Variants in COL26A1 observed in about 807,000 individuals in gnomAD.
The protein encoded by COL26A1 is collagen alpha-1(XXVI) chain.
A neutral mutation model predicts 59.3 loss-of-function variants in COL26A1; 41 were observed. The observed-to-expected ratio is 0.69, with a 90% CI of 0.54 to 0.90. The LOEUF (loss-of-function observed/expected upper bound fraction) is 0.90. Ranked by LOEUF, COL26A1 falls within the 40% of genes least tolerant of loss-of-function variation. The pLI is 0.00. For synonymous variants in COL26A1, 266 were observed against 256.0 expected (o/e 1.04, Z -0.37); for missense variants, 612 against 602.3 (o/e 1.02, Z -0.17).
chr7:101,392,811 A>G (rs1791764329), intron 1 of COL26A1, among the ~76,000 whole-genome samples: 1 of 151,868 alleles, frequency 6.6e-6, no homozygotes, highest in Non-Finnish European at 1.5e-5. Context: ...TGGCCTCACC[A>G]CTGATAGCTT....
intron 1 of COL26A1, among the ~76,000 whole-genome samples, chr7:101,398,747 G>A (rs144452807): frequency 8.5e-4 from 129 of 152,268 alleles, no homozygotes; most frequent in African/African-American, 2.9e-3. Flanking sequence ...AAAGCAGCGC[G>A]TAGAGTTCTC....
At chr7:101,514,629 TG>T (rs1177893470) in intron 3 of COL26A1, among the ~76,000 whole-genome samples, 1 of 152,006 alleles carries the variant, frequency 6.6e-6, no homozygotes, top group Non-Finnish European at 1.5e-5. Context: ...TGGGGGTGGG[TG>T]GGGCTGATCC....
At chr7:101,443,448 G>A (rs947829128) in intron 2 of COL26A1, among the ~76,000 whole-genome samples, 5 of 152,172 alleles carry the variant, frequency 3.3e-5, no homozygotes, top group African/African-American at 1.2e-4. Context: ...TTCTCCACTC[G>A]TGTGTTTTCC....
At chr7:101,456,775 C>T (rs533813661) in intron 3 of COL26A1, among the ~76,000 whole-genome samples, 3 of 152,248 alleles carry the variant, frequency 2.0e-5, no homozygotes, top group African/African-American at 4.8e-5. Flanking sequence ...CTCGGCCTCC[C>T]GAAGTGCTGG....
chr7:101,478,445 T>C (rs1467909133), intron 3 of COL26A1, among the ~76,000 whole-genome samples: 1 of 152,202 alleles, frequency 6.6e-6, no homozygotes, highest in African/African-American at 2.4e-5. Context: ...ACAGCCAGAC[T>C]CAGTCACCCT....
chr7:101,505,663 T>C (rs1241406590), intron 3 of COL26A1, among the ~76,000 whole-genome samples: 2 of 152,230 alleles, frequency 1.3e-5, no homozygotes, highest in African/African-American at 2.4e-5. Flanking sequence ...TTTCACATTC[T>C]TCTGCGTGCT....
chr7:101,518,797 T>G lies in COL26A1; in HGVS notation c.386-14285T>G, dbSNP rs138322110. Among the ~76,000 whole-genome samples the G allele has an allele frequency of 2.3e-3, 354 of 152,254 alleles. 1 individual carries two copies. Among genetic ancestry groups the G allele is most frequent in the African/African-American group, 8.2e-3 (341 of 41,538 alleles). On this transcript the variant is annotated intron_variant, in intron 3 of 12. Transcript: ENST00000313669. The stretch of plus-strand genomic sequence containing the variant: ...GCTGGGACTGATCACTTATTTTTGT[T>G]GCAATGAAATCCCCGTCAAGTCCTG...
chr7:101,367,471 T>C (rs568784335), intron 1 of COL26A1, among the ~76,000 whole-genome samples: 139 of 151,974 alleles, frequency 9.1e-4, no homozygotes, highest in African/African-American at 3.2e-3. Flanking sequence ...TTGAGACCAG[T>C]CTGGCCAACA....
chr7:101,455,984 C>T (rs1793461861), intron 3 of COL26A1, among the ~76,000 whole-genome samples: 1 of 152,032 alleles, frequency 6.6e-6, no homozygotes, highest in Admixed American at 6.6e-5. Context: ...CTGCACCTGG[C>T]CTGGTAAGTT....
intron 1 of COL26A1, among the ~76,000 whole-genome samples, chr7:101,366,334 G>T (rs1347367497): frequency 6.6e-6 from 1 of 152,170 alleles, no homozygotes; most frequent in Non-Finnish European, 1.5e-5. Flanking sequence ...AAGGCTTGGG[G>T]ACAGCAGTGG....
At chr7:101,495,430 A>T (rs561577839) in intron 3 of COL26A1, among the ~76,000 whole-genome samples, 1 of 148,914 alleles carries the variant, frequency 6.7e-6, no homozygotes, top group East Asian at 2.0e-4. Flanking sequence ...TTTTTTTAAG[A>T]TGGAGTCTCG....
rs1796014050 is a variant in COL26A1, at chr7:101,557,684, C to T, written c.*154C>T. ...GGGCTTTGGGGACAGATAATGTCTC[C>T]AGGGGCAGGGTCTGGAGGGGCCAAC... is the stretch of plus-strand genomic sequence containing the variant. On this transcript the variant is annotated 3_prime_UTR_variant, in exon 13 of 13. Transcript: ENST00000313669. 2 of 764,122 alleles carry T rather than the reference C, an allele frequency of 2.6e-6. No homozygotes were observed. Among genetic ancestry groups the T allele is most frequent in the East Asian group, 5.5e-5 (2 of 36,400 alleles). The allele number at this position is 764,122 out of a possible 1,614,324, so 47.3% of individuals were successfully genotyped here. A position where few individuals can be genotyped will look rare whatever the true frequency, so the allele number is the denominator to read the frequency against.
intron 1 of COL26A1, among the ~76,000 whole-genome samples, chr7:101,374,631 T>C (rs1030998153): frequency 1.3e-5 from 2 of 152,316 alleles, no homozygotes; most frequent in Non-Finnish European, 2.9e-5. Flanking sequence ...TGATGATCTG[T>C]CATTGTCTCC....
intron 1 of COL26A1, among the ~76,000 whole-genome samples, chr7:101,390,387 C>G (rs894136352): frequency 2.0e-5 from 3 of 152,114 alleles, no homozygotes; most frequent in Admixed American, 6.5e-5. Flanking sequence ...CTCGGCCTCT[C>G]AATGTGCTAG....
chr7:101,555,866 T>A lies in COL26A1; in HGVS notation c.1160T>A (p.Ile387Asn). The part of the protein sequence containing the change: ...RVLILEHMIG[I>N]HDPLASPEGG... Reference sequence around the variant, plus strand: ...CTCATCCTGGAGCACATGATTGGGATCCACGGTGAGCAGTGACCAGGATCA... The same window carrying A: ...CTCATCCTGGAGCACATGATTGGGAACCACGGTGAGCAGTGACCAGGATCA... The change falls in exon 12 of 13, where the codon ATC (isoleucine) becomes AAC (asparagine). Residue 387 changes from isoleucine to asparagine, a missense_variant. Coordinates refer to ENST00000313669, the MANE Select transcript of COL26A1 (RefSeq NM_001278563.3). 6.2e-7 allele frequency: 1 copy of A among 1,607,820 alleles called. No homozygotes were observed. Among genetic ancestry groups the A allele is most frequent in the East Asian group, 2.2e-5 (1 of 44,672 alleles).
intron 3 of COL26A1, among the ~76,000 whole-genome samples, chr7:101,523,428 C>G (rs1476094454): frequency 1.8e-4 from 28 of 152,142 alleles, no homozygotes; most frequent in Admixed American, 1.8e-3. Context: ...GGTAATGCTT[C>G]TTGCATCCTG....
chr7:101,394,585 C>CT (rs59966789), intron 1 of COL26A1, among the ~76,000 whole-genome samples: 44,505 of 122,742 alleles, frequency 0.36, 9,391 homozygotes, highest in Middle Eastern at 0.49. Flanking sequence ...TTTTTCTTTT[C>CT]TTTTTTTTTT....
At position 101,545,462 on chromosome 7, in the gene COL26A1, C is replaced by T; in HGVS notation, c.828C>T (p.Tyr276=). 6.2e-7 allele frequency: 1 copy of T among 1,608,798 alleles called. No individual in the cohort carries two copies. The highest frequency in any genetic ancestry group is 8.5e-7 in the Non-Finnish European group (1 of 1,177,940). Residue 276 remains tyrosine, a synonymous_variant, in exon 7 of 13, where the codon TAC becomes TAT. Transcript: ENST00000313669. ...PSPNSPQGAL[Y]SLQPPTDKDN... Reference sequence around the variant, plus strand: ...CAAACAGCCCCCAGGGCGCCCTCTACTCCCTGCAGCCGCCTACAGACAAAG... The same window carrying T: ...CAAACAGCCCCCAGGGCGCCCTCTATTCCCTGCAGCCGCCTACAGACAAAG...
rs1191570473 is a variant in COL26A1 at position 101,362,989 on chromosome 7, T to C, written c.-44T>C. 3 of 1,538,546 alleles carry C rather than the reference T, an allele frequency of 1.9e-6. No individual in the cohort carries two copies. In the African/African-American group the frequency reaches 4.2e-5, roughly 22 times the overall value. On this transcript the variant is annotated 5_prime_UTR_variant, in exon 1 of 13. Transcript: ENST00000313669. ...CCGGGCGCCGGTGCGCTCCTGCCGG[T>C]CCTCGTGCCCGGGACTCCGGGTCCC... is the stretch of plus-strand genomic sequence containing the variant.
Sources: gnomAD v4.1 joint callset for allele counts (sites outside exome capture counted in the v4.1 genomes callset) on GRCh38, gnomAD v4.1.1 for gene constraint, MANE v1.5 for transcripts, NCBI Gene and HGNC (gene_info 2026-07-23, HGNC 2026-07-21) for gene names.